PRMT3: variants seen among roughly 807,000 people sequenced by gnomAD.
PRMT3 encodes protein arginine N-methyltransferase 3.
In PRMT3, 62 loss-of-function variants were observed where a neutral mutation model predicts 71.9. The observed-to-expected ratio is 0.86, with a 90% confidence interval of 0.70 to 1.07. The LOEUF (loss-of-function observed/expected upper bound fraction) is 1.07. Ranked by LOEUF, PRMT3 falls within the 50% of genes least tolerant of loss-of-function variation. The probability of loss-of-function intolerance (pLI) is 0.00; values close to 1 mark genes in which losing one functional copy is unlikely to be tolerated. For synonymous variants in PRMT3, 213 were observed against 220.4 expected (o/e 0.97, Z 0.30); for missense variants, 663 against 643.0 (o/e 1.03, Z -0.34).
chr11:20,397,072 T>G (rs1243071922), intron 6 of PRMT3, among the ~76,000 whole-genome samples: 1 of 152,162 alleles, frequency 6.6e-6, no homozygotes, highest in Non-Finnish European at 1.5e-5. Context: ...TTATATACCT[T>G]ATGGATTCCT....
In PRMT3 at chr11:20,503,990, AT is replaced by A. The variant is rs1409871643; in HGVS notation, c.1487-4313del. Among the ~76,000 whole-genome samples, 6 of 152,338 alleles carry A rather than the reference AT, an allele frequency of 3.9e-5. No homozygotes were observed. The South Asian group carries it at 1.2e-3, about 32-fold the overall frequency. Reference sequence around the variant, plus strand: ...TTGTTCCACATCATTTTTAACACTTATAAAAAAGATGCAGTATTTTAAGCCG... The same window carrying A: ...TTGTTCCACATCATTTTTAACACTTAAAAAAAGATGCAGTATTTTAAGCCG... On this transcript the variant is annotated intron_variant, in intron 15 of 15. Coordinates refer to ENST00000331079, the MANE Select transcript of PRMT3 (RefSeq NM_005788.4).
chr11:20,397,778 C>T, intron 7 of PRMT3, 57 bp downstream of exon 7: 1 of 1,574,264 alleles, frequency 6.4e-7, no homozygotes, highest in South Asian at 1.2e-5. Flanking sequence ...AGAACAGGTT[C>T]TTTCTTAATA....
chr11:20,387,769 C>A lies in PRMT3; in HGVS notation c.23C>A (p.Ala8Asp). 1 of 1,542,246 alleles carries A rather than the reference C, an allele frequency of 6.5e-7. No homozygotes were observed. ...GCCATGTGCTCGTTAGCGTCAGGCG[C>A]TACCGGTGGGTACCCTGGCCCCTCA... MCSLASG[A>D]TGGRGAVENE... Residue 8 changes from alanine to aspartate, a missense_variant, in exon 1 of 16, where the codon GCT becomes GAT. Physicochemically the swap from Ala to Asp is moderately radical, Grantham distance 126. Coordinates refer to ENST00000331079, the MANE Select transcript of PRMT3 (RefSeq NM_005788.4). The surrounding 1 kb of genome is among the most constrained non-coding windows in gnomAD (Gnocchi z 4.3).
At chr11:20,417,688 C>T (rs1390649348) in intron 9 of PRMT3, among the ~76,000 whole-genome samples, 1 of 152,088 alleles carries the variant, frequency 6.6e-6, no homozygotes, top group Non-Finnish European at 1.5e-5. Flanking sequence ...AAATATCCCC[C>T]AACTATGTCA....
intron 15 of PRMT3, 105 bp from the exon 16 acceptor site, chr11:20,508,199 A>T: frequency 3.5e-6 from 2 of 575,348 alleles, no homozygotes; most frequent in Non-Finnish European, 6.1e-6. Flanking sequence ...AAGTTTAAAA[A>T]GTGGGAAAAC....
chr11:20,421,516 A>G (rs1026873342), intron 9 of PRMT3, among the ~76,000 whole-genome samples: 6 of 152,102 alleles, frequency 3.9e-5, no homozygotes, highest in African/African-American at 1.4e-4. Context: ...TCCTTGCCAT[A>G]TATTTCTCAG....
At chr11:20,421,724 T>G (rs183728090) in intron 9 of PRMT3, among the ~76,000 whole-genome samples, 72 of 152,316 alleles carry the variant, frequency 4.7e-4, no homozygotes, top group African/African-American at 1.7e-3. Context: ...CCTTGTCCTT[T>G]CTTTCCTCTC....
chr11:20,456,998 C>T (rs1057437029), intron 11 of PRMT3, among the ~76,000 whole-genome samples: 1 of 152,084 alleles, frequency 6.6e-6, no homozygotes, highest in Non-Finnish European at 1.5e-5. Flanking sequence ...CTCAGCCTCT[C>T]GACTAGCTGG....
chr11:20,463,481 GTGA>G (rs1406257973), intron 12 of PRMT3, among the ~76,000 whole-genome samples: 1 of 152,044 alleles, frequency 6.6e-6, no homozygotes, highest in Non-Finnish European at 1.5e-5. Context: ...TCTCTCTCTA[GTGA>G]TCTCTGCTTA....
chr11:20,474,715 T>G (rs1850737591), intron 13 of PRMT3, among the ~76,000 whole-genome samples: 1 of 152,226 alleles, frequency 6.6e-6, no homozygotes, highest in African/African-American at 2.4e-5. Context: ...TTAGAATGCT[T>G]GTTCTTCAGT....
intron 13 of PRMT3, among the ~76,000 whole-genome samples, chr11:20,469,164 T>C (rs910002499): frequency 1.3e-5 from 2 of 152,180 alleles, no homozygotes; most frequent in African/African-American, 4.8e-5. Context: ...TGACATTTCA[T>C]CTATCATATC....
intron 15 of PRMT3, among the ~76,000 whole-genome samples, chr11:20,502,525 A>AT (rs1205666415): frequency 6.6e-6 from 1 of 152,144 alleles, no homozygotes; most frequent in Non-Finnish European, 1.5e-5. Context: ...GATGCTTAGC[A>AT]TTTTTTCTTT....
chr11:20,426,985 G>A (rs12797994), intron 10 of PRMT3, 120 bp downstream of exon 10: 1,336,821 of 1,358,674 alleles, frequency 0.98, 659,741 homozygotes, highest in Non-Finnish European at 1. Context: ...TATTTTTTAA[G>A]TAGCTACATT....
chr11:20,496,946 A>C (rs1008754143), intron 15 of PRMT3, among the ~76,000 whole-genome samples: 7 of 152,218 alleles, frequency 4.6e-5, no homozygotes, highest in Non-Finnish European at 1.0e-4. Context: ...CAGCACAGCA[A>C]AAGTGAAATG....
At chr11:20,470,585 A>T (rs11025574) in intron 13 of PRMT3, among the ~76,000 whole-genome samples, 1 of 152,126 alleles carries the variant, frequency 6.6e-6, no homozygotes, top group Non-Finnish European at 1.5e-5. Context: ...TTAGGGCTGC[A>T]TAGTATTCCA....
At chr11:20,483,435 A>T (rs564011850) in intron 13 of PRMT3, among the ~76,000 whole-genome samples, 1 of 152,110 alleles carries the variant, frequency 6.6e-6, no homozygotes, top group African/African-American at 2.4e-5. Context: ...AAAATGGAAT[A>T]TAAGGAAACA....
chr11:20,418,407 T>G (rs1205084548), intron 9 of PRMT3, among the ~76,000 whole-genome samples: 1 of 152,232 alleles, frequency 6.6e-6, no homozygotes, highest in Non-Finnish European at 1.5e-5. Flanking sequence ...ATATCTGTTT[T>G]AATACAAAAT....
intron 9 of PRMT3, among the ~76,000 whole-genome samples, chr11:20,418,239 G>C (rs1043978626): frequency 6.6e-6 from 1 of 152,050 alleles, no homozygotes; most frequent in Non-Finnish European, 1.5e-5. Context: ...TTTTTCAGTA[G>C]GTGTTTCCAA....
intron 9 of PRMT3, among the ~76,000 whole-genome samples, chr11:20,420,165 C>T (rs528939202): frequency 1.3e-5 from 2 of 152,096 alleles, no homozygotes; most frequent in East Asian, 3.9e-4. Context: ...GAGCAAGACT[C>T]TGTCTCAAAA....
Sources: gnomAD v4.1 joint callset for allele counts (sites outside exome capture counted in the v4.1 genomes callset) on GRCh38, gnomAD v4.1.1 for gene constraint, Gnocchi (gnomAD v3.1) non-coding constraint, MANE v1.5 for transcripts, NCBI Gene and HGNC (gene_info 2026-07-23, HGNC 2026-07-21) for gene names.